PPFIA2: variants seen among roughly 807,000 people sequenced by gnomAD.
The protein encoded by PPFIA2 is liprin-alpha-2.
A neutral mutation model predicts 175.5 loss-of-function variants in PPFIA2; 46 were observed. The ratio of observed to expected loss-of-function variants is 0.26; its 90% confidence interval spans 0.21 to 0.34. The LOEUF (loss-of-function observed/expected upper bound fraction) is 0.34. Ranked by LOEUF, PPFIA2 falls within the 10% of genes least tolerant of loss-of-function variation. The pLI, the probability that PPFIA2 is intolerant of heterozygous loss-of-function variation, is 1.00. For missense variants in PPFIA2, 1,179 were observed against 1,506.1 expected, an observed-to-expected ratio of 0.78 and a Z score of 3.60; for synonymous variants, 568 against 511.4, an observed-to-expected ratio of 1.11 and a Z score of -1.49.
chr12:81,383,371 T>C (rs906828337), intron 9 of PPFIA2, among the ~76,000 whole-genome samples: 1 of 152,182 alleles, frequency 6.6e-6, no homozygotes, highest in Non-Finnish European at 1.5e-5. Flanking sequence ...AGTGAAAAGA[T>C]TCTAAACTTT....
intron 4 of PPFIA2, among the ~76,000 whole-genome samples, chr12:81,573,558 T>A (rs1350631799): frequency 6.6e-6 from 1 of 151,888 alleles, no homozygotes; most frequent in East Asian, 1.9e-4. Flanking sequence ...AGTCTCTATT[T>A]CTAGGTTATT....
chr12:81,521,819 CA>C (rs958600445), intron 4 of PPFIA2, among the ~76,000 whole-genome samples: 2,319 of 105,582 alleles, frequency 0.022, 36 homozygotes, highest in African/African-American at 0.07. Context: ...CTCCATCTCA[CA>C]AAAAAAAAAA....
At chr12:81,576,858 G>A (rs540827965) in intron 4 of PPFIA2, among the ~76,000 whole-genome samples, 4 of 151,614 alleles carry the variant, frequency 2.6e-5, no homozygotes, top group African/African-American at 7.2e-5. Flanking sequence ...TTGGAGGGAG[G>A]GATTGGTAAT....
intron 5 of PPFIA2, among the ~76,000 whole-genome samples, chr12:81,455,941 A>C (rs1470240080): frequency 1.3e-5 from 2 of 152,154 alleles, no homozygotes; most frequent in African/African-American, 4.8e-5. Flanking sequence ...AGGGGTGTAG[A>C]AAGGAGTAAG....
In PPFIA2 at chr12:81,662,289, T is replaced by A. The variant is rs186379758; in HGVS notation, c.303+14502A>T. 2.6e-5 allele frequency among the ~76,000 whole-genome samples: 4 copies of A among 151,876 alleles called. No homozygotes were observed. In the East Asian group the frequency reaches 7.7e-4, roughly 29 times the overall value. ...TGGTTTTTGGAAGAGATCAACAAAG[T>A]CGATAGACCACTAGCAAGACTAATA... On this transcript the variant is annotated intron_variant, in intron 4 of 32. Coordinates refer to ENST00000549396, the MANE Select transcript of PPFIA2 (RefSeq NM_003625.5).
chr12:81,463,170 A>G (rs756360213), intron 4 of PPFIA2, among the ~76,000 whole-genome samples: 1 of 152,076 alleles, frequency 6.6e-6, no homozygotes, highest in South Asian at 2.1e-4. Context: ...AACAGGTTAG[A>G]TCTTTGTACA....
chr12:81,369,150 T>C lies in PPFIA2; in HGVS notation c.1311A>G (p.Leu437=). ...GATTCTTCTCTTCAAGTTGACCCTC[T>C]AAATGTCTCATACGTTCTTCAATAT... ...HGNIEERMRH[L]EGQLEEKNQE... is the part of the protein sequence containing the mutation. Residue 437 remains leucine (L), a synonymous_variant, in exon 12 of 33, where the codon TTA becomes TTG. Coordinates refer to ENST00000549396, the MANE Select transcript of PPFIA2 (RefSeq NM_003625.5). 1 of 1,609,008 alleles carries C rather than the reference T, an allele frequency of 6.2e-7. No individual in the cohort carries two copies. The highest frequency in any genetic ancestry group is 8.5e-7 in the Non-Finnish European group (1 of 1,176,818).
At chr12:81,484,541 A>C (rs2058608226) in intron 4 of PPFIA2, among the ~76,000 whole-genome samples, 1 of 152,036 alleles carries the variant, frequency 6.6e-6, no homozygotes, top group Non-Finnish European at 1.5e-5. Flanking sequence ...TATACAATTA[A>C]AATTCACATT....
At chr12:81,706,024 T>A (rs1478818414) in intron 3 of PPFIA2, among the ~76,000 whole-genome samples, 1 of 152,196 alleles carries the variant, frequency 6.6e-6, no homozygotes, top group East Asian at 1.9e-4. Flanking sequence ...TTTTATTTAT[T>A]TTTCTTATTT....
At chr12:81,583,094 G>C (rs1270694848) in intron 4 of PPFIA2, among the ~76,000 whole-genome samples, 1 of 151,754 alleles carries the variant, frequency 6.6e-6, no homozygotes, top group African/African-American at 2.4e-5. Context: ...ATTCTGTTTA[G>C]AAAGATAATC....
intron 4 of PPFIA2, among the ~76,000 whole-genome samples, chr12:81,594,599 G>C (rs2059042682): frequency 6.6e-6 from 1 of 152,104 alleles, no homozygotes; most frequent in Non-Finnish European, 1.5e-5. Flanking sequence ...ATGTAGAATA[G>C]AGAAACTTGG....
At chr12:81,447,334 T>C (rs1005762206) in intron 5 of PPFIA2, among the ~76,000 whole-genome samples, 3 of 152,134 alleles carry the variant, frequency 2.0e-5, no homozygotes, top group Non-Finnish European at 4.4e-5. Flanking sequence ...TAATGTCTGT[T>C]TTTCCAGTGG....
intron 3 of PPFIA2, among the ~76,000 whole-genome samples, chr12:81,725,988 C>T (rs2080024401): frequency 1.3e-5 from 2 of 150,840 alleles, no homozygotes; most frequent in Admixed American, 6.6e-5. Flanking sequence ...CTCTTCTAGA[C>T]TCAAACTTCC....
Position 81,578,281 on chromosome 12 carries a change from G to T in PPFIA2, c.303+98510C>A, listed in dbSNP as rs78419214. Among the ~76,000 whole-genome samples the T allele has an allele frequency of 2.7e-3, 416 of 151,748 alleles. 7 individuals carry two copies. In the East Asian group the frequency reaches 0.073, roughly 27 times the overall value. ...TGACCTCTAATTTAATGAAGAAGGG[G>T]TCTACACAAAGGCAGACATATCAGG... On this transcript the variant is annotated intron_variant, in intron 4 of 32. Transcript: ENST00000549396.
At chr12:81,321,650 T>C (rs749606530) in intron 22 of PPFIA2, among the ~76,000 whole-genome samples, 8 of 152,182 alleles carry the variant, frequency 5.3e-5, no homozygotes, top group Non-Finnish European at 1.2e-4. Flanking sequence ...ACCTAAGCCA[T>C]GCTCTACCAG....
At position 81,705,882 on chromosome 12, in the gene PPFIA2, G is replaced by C. The variant is rs575133583; in HGVS notation, c.250-29038C>G. On this transcript the variant is annotated intron_variant, in intron 3 of 32. Coordinates refer to ENST00000549396, the MANE Select transcript of PPFIA2 (RefSeq NM_003625.5). ...GTCACACATTAAGTCATGTTCTAAA[G>C]TTTCAGTGTCCAATTCAGCAGCTAC... 2.6e-5 allele frequency among the ~76,000 whole-genome samples: 4 copies of C among 152,266 alleles called. No homozygotes were observed. The South Asian group carries it at 8.3e-4, about 32-fold the overall frequency.
intron 16 of PPFIA2, among the ~76,000 whole-genome samples, chr12:81,354,762 G>C (rs1444128399): frequency 1.3e-5 from 2 of 151,994 alleles, no homozygotes; most frequent in South Asian, 2.1e-4. Context: ...TCATGCCTCA[G>C]CCTTCAGAGT....
chr12:81,334,406 A>C (rs887921054), intron 21 of PPFIA2, among the ~76,000 whole-genome samples: 3 of 152,056 alleles, frequency 2.0e-5, no homozygotes, highest in Non-Finnish European at 2.9e-5. Flanking sequence ...CTCTGCATTT[A>C]AGAGTGGTTC....
chr12:81,360,932 T>A (rs376452702), intron 15 of PPFIA2, among the ~76,000 whole-genome samples: 2 of 151,692 alleles, frequency 1.3e-5, no homozygotes, highest in Non-Finnish European at 3.0e-5. Context: ...TTTATGCATA[T>A]TTAGGTACAA....
Sources: allele counts gnomAD v4.1 joint callset (sites outside exome capture counted in the v4.1 genomes callset), GRCh38; gene constraint gnomAD v4.1.1; transcripts MANE v1.5; gene names NCBI Gene and HGNC (gene_info 2026-07-23, HGNC 2026-07-21).